Variants in MALRD1 observed in about 807,000 individuals in gnomAD.
MALRD1 encodes MAM and LDL-receptor class A domain-containing protein 1.
Under a neutral mutation model 242.1 loss-of-function variants are expected in MALRD1, and 247 were observed. That is an observed-to-expected ratio of 1.02 (90% CI 0.92 to 1.13). The LOEUF is 1.13. Among genes scored for constraint, MALRD1 ranks in the 50% most tolerant of loss-of-function variants. The probability of loss-of-function intolerance (pLI) is 0.00; values close to 1 mark genes in which losing one functional copy is unlikely to be tolerated. For synonymous variants in MALRD1, 995 were observed against 866.6 expected (o/e 1.15, Z -2.60); for missense variants, 2,989 against 2,533.1 (o/e 1.18, Z -3.86).
At chr10:19,324,600 T>TG (rs1295767941) in intron 22 of MALRD1, among the ~76,000 whole-genome samples, 1 of 11,426 alleles carries the variant, frequency 8.8e-5, no homozygotes, top group African/African-American at 4.4e-4. Flanking sequence ...AGAGATCTTA[T>TG]TTTTTTTTTA....
chr10:19,478,784 G>A (rs928876835), intron 29 of MALRD1, among the ~76,000 whole-genome samples: 10 of 152,070 alleles, frequency 6.6e-5, no homozygotes, highest in African/African-American at 2.4e-4. Context: ...TTTATATAGA[G>A]TATCAAAGTC....
At chr10:19,194,955 A>G (rs565005254) in intron 14 of MALRD1, among the ~76,000 whole-genome samples, 5 of 152,174 alleles carry the variant, frequency 3.3e-5, no homozygotes, top group Non-Finnish European at 4.4e-5. Flanking sequence ...TATAAAATGG[A>G]AAATTCCAGA....
chr10:19,647,788 A>G (rs975551400), intron 36 of MALRD1, among the ~76,000 whole-genome samples: 2 of 152,168 alleles, frequency 1.3e-5, no homozygotes, highest in Non-Finnish European at 2.9e-5. Flanking sequence ...GCTATTGTGG[A>G]ATAACTCACA....
intron 26 of MALRD1, among the ~76,000 whole-genome samples, chr10:19,384,656 A>C: frequency 7.4e-6 from 1 of 134,362 alleles, no homozygotes; most frequent in East Asian, 2.0e-4. Context: ...TATATAATAT[A>C]ATATTTACTA....
At chr10:19,592,761 A>ACACG (rs1554808903) in intron 33 of MALRD1, among the ~76,000 whole-genome samples, 1 of 132,822 alleles carries the variant, frequency 7.5e-6, no homozygotes, top group African/African-American at 2.7e-5. Flanking sequence ...ACACACACAC[A>ACACG]CGCACGCACA....
At chr10:19,370,648 G>A (rs1372319603) in intron 26 of MALRD1, among the ~76,000 whole-genome samples, 1 of 152,076 alleles carries the variant, frequency 6.6e-6, no homozygotes, top group Non-Finnish European at 1.5e-5. Context: ...TGTAAACTCA[G>A]TTCACTTCAA....
At chr10:19,547,085 C>A (rs1835238189) in intron 32 of MALRD1, among the ~76,000 whole-genome samples, 1 of 152,048 alleles carries the variant, frequency 6.6e-6, no homozygotes, top group Admixed American at 6.6e-5. Flanking sequence ...GAGAGAAAAG[C>A]CTCTAAGTGT....
chr10:19,283,493 A>G (rs114761976), intron 21 of MALRD1, among the ~76,000 whole-genome samples: 2,496 of 151,954 alleles, frequency 0.016, 69 homozygotes, highest in African/African-American at 0.057. Context: ...TGCCTCCCCA[A>G]ATGTCTTTTC....
At position 19,165,604 on chromosome 10, in the gene MALRD1, A is replaced by G. The variant is rs1200896146; in HGVS notation, c.1657-33A>G. ...AAACTACCAGAGACAGGTCAATGGA[A>G]TATTTATATCATTGAAAACATGTTT... On this transcript the variant is annotated intron_variant, in intron 12 of 39. Coordinates refer to ENST00000454679, the MANE Select transcript of MALRD1 (RefSeq NM_001142308.3). 3 of 1,221,980 alleles carry G rather than the reference A, an allele frequency of 2.5e-6. No individual in the cohort carries two copies. The African/African-American group carries it at 4.7e-5, about 19-fold the overall frequency. The allele number at this position is 1,221,980 out of a possible 1,614,324, so 75.7% of individuals were successfully genotyped here.
At chr10:19,579,019 C>G (rs10764082) in intron 33 of MALRD1, among the ~76,000 whole-genome samples, 77,358 of 151,934 alleles carry the variant, frequency 0.51, 19,777 homozygotes, top group Non-Finnish European at 0.53. Flanking sequence ...AAACCTCTTT[C>G]TTTTATAAAA....
chr10:19,210,988 C>T (rs1055327322), intron 18 of MALRD1, among the ~76,000 whole-genome samples: 1 of 152,156 alleles, frequency 6.6e-6, no homozygotes, highest in Non-Finnish European at 1.5e-5. Context: ...TACATGTAAT[C>T]ATATGGAATG....
chr10:19,615,277 G>A (rs977190441), intron 35 of MALRD1, among the ~76,000 whole-genome samples: 2 of 151,458 alleles, frequency 1.3e-5, no homozygotes, highest in Non-Finnish European at 2.9e-5. Context: ...TAGCATTTTG[G>A]GAGGTCAAGG....
chr10:19,354,357 G>C (rs1473184623), intron 26 of MALRD1, among the ~76,000 whole-genome samples: 1 of 152,022 alleles, frequency 6.6e-6, no homozygotes, highest in Non-Finnish European at 1.5e-5. Flanking sequence ...AATACAAGAT[G>C]GCAAGTGGGT....
intron 35 of MALRD1, among the ~76,000 whole-genome samples, chr10:19,610,395 G>T (rs779430498): frequency 5.3e-5 from 8 of 151,806 alleles, no homozygotes; most frequent in Non-Finnish European, 1.0e-4. Context: ...CCAGTCACTG[G>T]TAAGCACTGT....
intron 31 of MALRD1, among the ~76,000 whole-genome samples, chr10:19,500,858 G>T (rs1019970086): frequency 6.6e-6 from 1 of 151,940 alleles, no homozygotes; most frequent in African/African-American, 2.4e-5. Context: ...CAGGCACTTG[G>T]CCAGGTCCTG....
At chr10:19,341,474 A>G (rs56004045) in intron 24 of MALRD1, among the ~76,000 whole-genome samples, 1 of 95,724 alleles carries the variant, frequency 1.0e-5, no homozygotes, top group Admixed American at 1.1e-4. Flanking sequence ...GTATATATGT[A>G]TATATATGTG....
chr10:19,275,107 T>A lies in MALRD1; in HGVS notation c.3080-4940T>A, dbSNP rs182931075. On this transcript the variant is annotated intron_variant, in intron 19 of 39. Transcript: ENST00000454679. ...TTTCTATTCTTTCTTCCTCATTTAT[T>A]TGTTAATATAAGGATCTGAAACAAT... 4.6e-4 allele frequency among the ~76,000 whole-genome samples: 70 copies of A among 152,340 alleles called. 1 individual carries two copies. In the South Asian group the frequency reaches 0.011, roughly 25 times the overall value.
chr10:19,110,023 G>T (rs1487439749), intron 5 of MALRD1, among the ~76,000 whole-genome samples: 1 of 152,226 alleles, frequency 6.6e-6, no homozygotes, highest in Admixed American at 6.5e-5. Flanking sequence ...GGGCAGTAAA[G>T]ATAGGGTATT....
chr10:19,113,824 C>CACAT (rs1836774633), intron 5 of MALRD1, among the ~76,000 whole-genome samples: 1 of 147,750 alleles, frequency 6.8e-6, no homozygotes, highest in African/African-American at 2.4e-5. Context: ...CACACACACA[C>CACAT]ACACACAGAC....
Sources: allele counts gnomAD v4.1 joint callset (sites outside exome capture counted in the v4.1 genomes callset), GRCh38; gene constraint gnomAD v4.1.1; transcripts MANE v1.5; gene names NCBI Gene and HGNC (gene_info 2026-07-23, HGNC 2026-07-21).